NID2: variants seen among roughly 807,000 people sequenced by gnomAD.
NID2 encodes the protein nidogen-2.
In NID2, 83 loss-of-function variants were observed where a neutral mutation model predicts 145.4. That is an observed-to-expected ratio of 0.57 (90% CI 0.48 to 0.69). NID2 has a LOEUF of 0.69. Among genes scored for constraint, NID2 ranks in the 30% least tolerant of loss-of-function variants. The pLI is 0.00. For missense variants in NID2, 1,807 were observed against 1,765.7 expected (o/e 1.02, Z -0.42); for synonymous variants, 739 against 701.3 (o/e 1.05, Z -0.85).
At position 52,006,590 on chromosome 14, in the gene NID2, G is replaced by A. The variant is rs769512602; in HGVS notation, c.3951C>T (p.Tyr1317=). ...GRRVIQNNLK[Y]PFSIVSYADH... is the part of the protein sequence containing the mutation. ...CTGCATAGCTTACGATGCTGAAGGG[G>A]TACTTGAGGTTGTTTTGAATGACAC... is the stretch of plus-strand genomic sequence containing the variant. The change falls in exon 20 of 22, where the codon TAC becomes TAT. Residue 1317 remains tyrosine (Y), a synonymous_variant. Transcript: ENST00000216286. 3 of 1,613,874 alleles carry A rather than the reference G, an allele frequency of 1.9e-6. No homozygotes were observed. The highest frequency in any genetic ancestry group is 2.5e-6 in the Non-Finnish European group (3 of 1,179,800).
chr14:52,042,844 G>A lies in NID2; in HGVS notation c.1517C>T (p.Thr506Ile). 1.2e-6 allele frequency: 2 copies of A among 1,614,206 alleles called. No homozygotes were observed. Among genetic ancestry groups the A allele is most frequent in the Non-Finnish European group, 1.7e-6 (2 of 1,180,026 alleles). The change falls in exon 6 of 22, where the codon ACT (threonine) becomes ATT (isoleucine). Residue 506 changes from threonine to isoleucine, a missense_variant. By Grantham distance (89) the Thr-to-Ile change is moderately conservative (BLOSUM62 -1). Transcript: ENST00000216286. ...SRHAFCTDYA[T>I]GFCCHCQSKF... The stretch of plus-strand genomic sequence containing the variant: ...GGATTGGCAGTGGCAGCAGAAGCCA[G>A]TGGCATAGTCCGTGCAGAAGGCATG...
intron 5 of NID2, among the ~76,000 whole-genome samples, chr14:52,051,282 G>A (rs1892670079): frequency 6.6e-6 from 1 of 152,102 alleles, no homozygotes; most frequent in South Asian, 2.1e-4. Flanking sequence ...AGCTTCAAAG[G>A]GAAACTAAAA....
At chr14:52,033,427 G>T (rs943389524) in intron 9 of NID2, among the ~76,000 whole-genome samples, 8 of 152,136 alleles carry the variant, frequency 5.3e-5, no homozygotes, top group African/African-American at 1.9e-4. Context: ...AAAAACAGCT[G>T]ACTCACACTT....
At chr14:52,067,223 C>CTG (rs377287456) in intron 2 of NID2, among the ~76,000 whole-genome samples, 154 of 152,260 alleles carry the variant, frequency 1.0e-3, no homozygotes, top group African/African-American at 3.4e-3. Flanking sequence ...GGTACACCCA[C>CTG]TATTATACAG....
At position 52,067,955 on chromosome 14, in the gene NID2, C is replaced by T. The variant is rs762028318; in HGVS notation, c.437G>A (p.Arg146His). 3 of 1,611,254 alleles carry T rather than the reference C, an allele frequency of 1.9e-6. No homozygotes were observed. The highest frequency in any genetic ancestry group is 1.7e-5 in the Admixed American group (1 of 59,268). ...GTGGGTGGGGGTAAAGCGCGCAGAG[C>T]GCGGGAAGCCAGCGCGCACATAGCG... is the stretch of plus-strand genomic sequence containing the variant. ...AARYVRAGFP[R>H]SARFTPTHAF... Residue 146 changes from arginine to histidine, a missense_variant, in exon 2 of 22, where the codon CGC becomes CAC. Physicochemically the swap from Arg to His is conservative, Grantham distance 29. Coordinates refer to ENST00000216286, the MANE Select transcript of NID2 (RefSeq NM_007361.4).
intron 9 of NID2, among the ~76,000 whole-genome samples, chr14:52,035,293 C>T (rs1892015957): frequency 6.6e-6 from 1 of 152,158 alleles, no homozygotes; most frequent in Non-Finnish European, 1.5e-5. Context: ...CCTCCTGAAC[C>T]ACTGGCAACC....
chr14:52,017,647 C>A (rs1202532348), intron 14 of NID2, among the ~76,000 whole-genome samples: 2 of 152,024 alleles, frequency 1.3e-5, no homozygotes, highest in Non-Finnish European at 2.9e-5. Flanking sequence ...TTCTTCAAAT[C>A]CCAGATGGAG....
At chr14:52,062,928 T>C (rs988725879) in intron 2 of NID2, among the ~76,000 whole-genome samples, 1 of 152,242 alleles carries the variant, frequency 6.6e-6, no homozygotes, top group African/African-American at 2.4e-5. Context: ...AGTATTTAAT[T>C]TCTTTGTCTC....
In NID2 at chr14:52,028,726, G is replaced by A. The variant is rs759065818; in HGVS notation, c.2526C>T (p.Cys842=). 1.2e-5 allele frequency: 19 copies of A among 1,610,112 alleles called. No homozygotes were observed. Among genetic ancestry groups the A allele is most frequent in the African/African-American group, 4.0e-5 (3 of 74,806 alleles). ...GYEFADDRHT[C]ILITPPANPC... is the part of the protein sequence containing the mutation. ...GAAAATGATTTTGGAACTCACAGAT[G>A]CAAGTATGCCGGTCATCTGCAAACT... Residue 842 remains cysteine (C), a synonymous_variant, in exon 11 of 22, where the codon TGC becomes TGT. Transcript: ENST00000216286.
chr14:52,025,222 C>T (rs996893197), intron 12 of NID2, among the ~76,000 whole-genome samples: 4 of 152,204 alleles, frequency 2.6e-5, no homozygotes, highest in African/African-American at 9.7e-5. Context: ...CCCTGAACTC[C>T]ATACCTGTAG....
At chr14:52,060,412 A>C in intron 2 of NID2, 56 bp from the exon 3 acceptor site, 1 of 984,384 alleles carries the variant, frequency 1.0e-6, no homozygotes, top group East Asian at 2.8e-5. Flanking sequence ...TCCTGTAAAA[A>C]ACAAATAAAA....
intron 5 of NID2, among the ~76,000 whole-genome samples, chr14:52,045,249 A>G (rs927289202): frequency 2.0e-5 from 3 of 152,192 alleles, no homozygotes. Flanking sequence ...AAAACAGCAC[A>G]GGTAAGAAAT....
At chr14:52,061,781 C>T (rs981187704) in intron 2 of NID2, among the ~76,000 whole-genome samples, 2 of 152,088 alleles carry the variant, frequency 1.3e-5, no homozygotes, top group African/African-American at 2.4e-5. Flanking sequence ...ATTCAGCGAC[C>T]GCTCCTCCTA....
intron 10 of NID2, 55 bp from the exon 11 acceptor site, chr14:52,028,905 G>T (rs1176896036): frequency 3.1e-6 from 5 of 1,590,040 alleles, no homozygotes; most frequent in Non-Finnish European, 4.3e-6. Flanking sequence ...CCCAGAAGTG[G>T]AGGGTCTAAA....
intron 4 of NID2, 36 bp from the exon 5 acceptor site, chr14:52,053,974 G>A (rs746147907): frequency 1.2e-6 from 2 of 1,611,026 alleles, no homozygotes; most frequent in Admixed American, 1.7e-5. Flanking sequence ...AGTAGGTGTT[G>A]GATGCAAGGG....
chr14:52,030,586 GAAA>G (rs58493696), intron 9 of NID2, among the ~76,000 whole-genome samples: 8,566 of 23,182 alleles, frequency 0.37, 1,007 homozygotes, highest in South Asian at 0.5. Context: ...GGGAAAGAAA[GAAA>G]GAAAGAAAGA....
At chr14:52,040,139 C>T (rs953324294) in intron 8 of NID2, among the ~76,000 whole-genome samples, 9 of 152,158 alleles carry the variant, frequency 5.9e-5, no homozygotes, top group African/African-American at 2.2e-4. Context: ...CAGGTTTTCA[C>T]CATGTTGGCC....
In NID2 at chr14:52,015,241, G is replaced by C; in HGVS notation, c.3063C>G (p.Arg1021=). 1 of 1,613,406 alleles carries C rather than the reference G, an allele frequency of 6.2e-7. No individual in the cohort carries two copies. The highest frequency in any genetic ancestry group is 1.3e-5 in the African/African-American group (1 of 75,048). The change falls in exon 15 of 22, where the codon CGC becomes CGG. Residue 1021 remains arginine, a synonymous_variant. Coordinates refer to ENST00000216286, the MANE Select transcript of NID2 (RefSeq NM_007361.4). ...PTQRPPTICE[R]WRENLLEHYG... is the part of the protein sequence containing the mutation. ...AGTGCTCCAGCAGGTTTTCCCTCCA[G>C]CGCTCACAGATGGTCGGGGGCCTCT...
chr14:52,021,087 T>C (rs764365908), intron 12 of NID2, among the ~76,000 whole-genome samples: 1 of 151,968 alleles, frequency 6.6e-6, no homozygotes, highest in Non-Finnish European at 1.5e-5. Flanking sequence ...TAAGCTACTT[T>C]AAGAGACAGG....
Sources: gnomAD v4.1 joint callset for allele counts (sites outside exome capture counted in the v4.1 genomes callset) on GRCh38, gnomAD v4.1.1 for gene constraint, MANE v1.5 for transcripts, NCBI Gene and HGNC (gene_info 2026-07-23, HGNC 2026-07-21) for gene names.